GPC2: variants seen among roughly 807,000 people sequenced by gnomAD.
GPC2 encodes glypican 2, also known as glypican-2.
GPC2 carries 42 observed loss-of-function variants against 57.3 expected under a neutral mutation model. The observed-to-expected ratio is 0.73, with a 90% CI of 0.57 to 0.95. The LOEUF (loss-of-function observed/expected upper bound fraction) is 0.95, where lower values mean the gene tolerates loss of function less well. GPC2 is among the 40% of genes least tolerant of loss of function. The pLI is 0.00. For missense variants in GPC2, 745 were observed against 793.6 expected (o/e 0.94, Z 0.74); for synonymous variants, 364 against 343.4 (o/e 1.06, Z -0.66).
chr7:100,174,617 C>T, intron 4 of GPC2, 68 bp downstream of exon 4: 1 of 1,193,418 alleles, frequency 8.4e-7, no homozygotes, highest in Non-Finnish European at 1.2e-6. Context: ...CTGTTTCTTC[C>T]TTGTGGGGTC....
chr7:100,177,230 G>A lies in GPC2; in HGVS notation c.-31C>T, dbSNP rs767481374. The A allele has an allele frequency of 7.6e-6, 12 of 1,580,702 alleles. No individual in the cohort carries two copies. In the African/African-American group the frequency reaches 1.3e-4, roughly 18 times the overall value. On this transcript the variant is annotated 5_prime_UTR_variant, in exon 1 of 10. Transcript: ENST00000292377. The stretch of plus-strand genomic sequence containing the variant: ...CAGCCACCCCAGGACGGCAAAGTGG[G>A]TCCTAAGGAGGAAAGCAGAGCCTCC...
rs1393920826 is a variant in GPC2, at chr7:100,173,935, C to T, written c.792G>A (p.Arg264=). Residue 264 remains arginine (R), a synonymous_variant, in exon 5 of 10, where the codon CGG becomes CGA. Transcript: ENST00000292377. Reference sequence around the variant, plus strand: ...GGCAGGGCATAAGTGAGGGGACCCCCCGGCACAGGGGACAGCCGATGAGAC... The same window carrying T: ...GGCAGGGCATAAGTGAGGGGACCCCTCGGCACAGGGGACAGCCGATGAGAC... ...LMRLIGCPLC[R]GVPSLMPCQG... 9.4e-6 allele frequency: 15 copies of T among 1,603,372 alleles called. No homozygotes were observed. The highest frequency in any genetic ancestry group is 1.7e-5 in the Admixed American group (1 of 58,808).
In GPC2 at chr7:100,171,121, G is replaced by C; in HGVS notation, c.1486+140C>G. 1.3e-6 allele frequency: 1 copy of C among 768,482 alleles called. No homozygotes were observed. Among genetic ancestry groups the C allele is most frequent in the Non-Finnish European group, 2.0e-6 (1 of 512,310 alleles). 47.6% of individuals were successfully genotyped at this position (768,482 alleles called of 1,614,324 possible). A position where few individuals can be genotyped will look rare whatever the true frequency, so the allele number is the denominator to read the frequency against. On this transcript the variant is annotated intron_variant, in intron 9 of 9. Transcript: ENST00000292377. The surrounding 1 kb of genome is among the most constrained non-coding windows in gnomAD (Gnocchi z 4.8). ...GTTACCCCCAGTCTTTCAGGGCAAC[G>C]CTCAATAAATGCTCGTTGAATGAAT...
At chr7:100,173,738 T>C in intron 5 of GPC2, 97 bp downstream of exon 5, 1 of 943,992 alleles carries the variant, frequency 1.1e-6, no homozygotes, top group East Asian at 2.9e-5. Flanking sequence ...CTCCAACTCC[T>C]GGCCTCAAGT....
chr7:100,174,328 G>A (rs75571285), intron 4 of GPC2: 2 of 522,160 alleles, frequency 3.8e-6, no homozygotes, highest in Non-Finnish European at 6.9e-6. Flanking sequence ...CAGTGAGAGA[G>A]GCCAAGCCAG....
rs202202902 is a variant in GPC2 at position 100,172,201 on chromosome 7, C to G, written c.909G>C (p.Leu303=). 2.2e-5 allele frequency: 35 copies of G among 1,613,788 alleles called. No homozygotes were observed. The highest frequency in any genetic ancestry group is 2.8e-5 in the Non-Finnish European group (33 of 1,179,972). ...AAAAGGGGCCCTGGAGCTTATCAGCCAGGATCAGGAGACCATCTTAAGGGA... is the reference window on the plus strand; with the variant it reads ...AAAAGGGGCCCTGGAGCTTATCAGCGAGGATCAGGAGACCATCTTAAGGGA... ...WGNYLDGLLI[L]ADKLQGPFSF... is the part of the protein sequence containing the mutation. Residue 303 remains leucine (L), a synonymous_variant, in exon 6 of 10, where the codon CTG becomes CTC. Coordinates refer to ENST00000292377, the MANE Select transcript of GPC2 (RefSeq NM_152742.3).
Position 100,170,463 on chromosome 7 carries a change from C to T in GPC2, c.1507G>A (p.Gly503Arg), listed in dbSNP as rs765536744. 2 of 1,545,230 alleles carry T rather than the reference C, an allele frequency of 1.3e-6. No homozygotes were observed. Among genetic ancestry groups the T allele is most frequent in the East Asian group, 2.3e-5 (1 of 42,632 alleles). ...QDADEDASGS[G>R]GGQQYADDWM... The stretch of plus-strand genomic sequence containing the variant: ...TCATCTGCATACTGCTGTCCCCCTC[C>T]AGAGCCGCTGGCATCCTCATCTGCA... The change falls in exon 10 of 10, where the codon GGA becomes AGA. Residue 503 changes from glycine (G) to arginine (R), a missense_variant. Around this residue, in one of 2 missense-constraint regions of GPC2, gnomAD observed 607 missense variants for 603.9 expected, o/e 1.01. Transcript: ENST00000292377.
At position 100,177,283 on chromosome 7, in the gene GPC2, CG is replaced by C; in HGVS notation, c.-85del. ...AACTCGGGAATCCGGTACTCGGCCGCGGGACCGCTCCGCGGGCCAGAGAAAG... is the reference window on the plus strand; with the variant it reads ...AACTCGGGAATCCGGTACTCGGCCGCGGACCGCTCCGCGGGCCAGAGAAAG... On this transcript the variant is annotated 5_prime_UTR_variant, in exon 1 of 10. The change creates a premature stop within an existing upstream ORF in the 5' untranslated region. Transcript: ENST00000292377. The C allele has an allele frequency of 8.1e-7, 1 of 1,229,904 alleles. No individual in the cohort carries two copies. Among genetic ancestry groups the C allele is most frequent in the Non-Finnish European group, 1.1e-6 (1 of 898,076 alleles). The allele number at this position is 1,229,904 out of a possible 1,614,324, so 76.2% of individuals were successfully genotyped here. A position where few individuals can be genotyped will look rare whatever the true frequency, so the allele number is the denominator to read the frequency against.
chr7:100,176,261 C>T lies in GPC2; in HGVS notation c.271G>A (p.Asp91Asn). ...TEATFRGLVEDSGSFLVHTLA... is the reference protein window; with the variant it reads ...TEATFRGLVENSGSFLVHTLA... ...GTGTGAACCAGAAAGGAGCCGCTGT[C>T]CTCCACCAGGCCTCGGAAGGTGGCC... is the stretch of plus-strand genomic sequence containing the variant. Residue 91 changes from aspartate to asparagine, a missense_variant, in exon 2 of 10, where the codon GAC (aspartate) becomes AAC (asparagine). This residue lies in a region of GPC2 where 138 missense variants were observed against 189.8 expected (regional missense o/e 0.73). Transcript: ENST00000292377. 6.2e-7 allele frequency: 1 copy of T among 1,613,994 alleles called. No individual in the cohort carries two copies. The highest frequency in any genetic ancestry group is 8.5e-7 in the Non-Finnish European group (1 of 1,179,956).
chr7:100,174,879 A>G, intron 3 of GPC2, 114 bp from the exon 4 acceptor site: 1 of 725,266 alleles, frequency 1.4e-6, no homozygotes, highest in Non-Finnish European at 2.4e-6. Context: ...GGGTTCTCTC[A>G]GAGTGGGTCG....
chr7:100,172,897 AAG>A (rs1554400986), intron 5 of GPC2, among the ~76,000 whole-genome samples: 2 of 150,172 alleles, frequency 1.3e-5, no homozygotes, highest in African/African-American at 4.9e-5. Context: ...TCAAAAAAAA[AAG>A]AGTCTCATCT....
chr7:100,171,255 T>C lies in GPC2; in HGVS notation c.1486+6A>G. 6.5e-7 allele frequency: 1 copy of C among 1,528,806 alleles called. No individual in the cohort carries two copies. The highest frequency in any genetic ancestry group is 1.4e-5 in the African/African-American group (1 of 70,378). 94.7% of individuals were successfully genotyped at this position (1,528,806 alleles called of 1,614,324 possible). On this transcript the variant is annotated splice_donor_region_variant and intron_variant, in intron 9 of 9. Coordinates refer to ENST00000292377, the MANE Select transcript of GPC2 (RefSeq NM_152742.3). The surrounding 1 kb of genome is among the most constrained non-coding windows in gnomAD (Gnocchi z 4.8). ...GGGCTCAGGCTCAGGGATGCAGGGG[T>C]CTCACCCGCGTCCTGCCCGTCCAGG...
chr7:100,172,619 C>T (rs1053699191), intron 5 of GPC2, among the ~76,000 whole-genome samples: 12 of 107,586 alleles, frequency 1.1e-4, no homozygotes, highest in Non-Finnish European at 2.0e-4. Context: ...GCGCCTGCCA[C>T]CATGCCGGCT....
chr7:100,171,502 C>G lies in GPC2; in HGVS notation c.1310+37G>C. The G allele has an allele frequency of 7.4e-7, 1 of 1,352,806 alleles. No individual in the cohort carries two copies. Among genetic ancestry groups the G allele is most frequent in the Non-Finnish European group, 9.4e-7 (1 of 1,060,080 alleles). The allele number at this position is 1,352,806 out of a possible 1,614,324, so 83.8% of individuals were successfully genotyped here. On this transcript the variant is annotated intron_variant, in intron 8 of 9. Transcript: ENST00000292377. The surrounding 1 kb of genome is among the most constrained non-coding windows in gnomAD (Gnocchi z 4.8). ...GGCCCCGCCCCTCCCGGCCGCGGTC[C>G]CGCCCCCTGCTGCCCCCCGACGCCC...
In GPC2 at chr7:100,174,479, GA is replaced by G. The variant is rs913587508; in HGVS notation, c.729+205del. 1.5e-5 allele frequency: 10 copies of G among 662,060 alleles called. No homozygotes were observed. The Admixed American group carries it at 2.1e-4, about 14-fold the overall frequency. 41.0% of individuals were successfully genotyped at this position (662,060 alleles called of 1,614,324 possible). ...GAGGGTATGGGTCCACAGAGGGGAG[GA>G]GGGGGTCAGAGATCATGGATCGTGG... On this transcript the variant is annotated intron_variant, in intron 4 of 9. Transcript: ENST00000292377.
At chr7:100,176,403 T>C in intron 1 of GPC2, 38 bp from the exon 2 acceptor site, 1 of 1,591,988 alleles carries the variant, frequency 6.3e-7, no homozygotes, top group Non-Finnish European at 8.6e-7. Context: ...TGGGAAGTGA[T>C]ATCCTAAAAT....
Position 100,172,206 on chromosome 7 carries a change from T to G in GPC2, c.904A>C (p.Ile302Leu). 1 of 1,613,734 alleles carries G rather than the reference T, an allele frequency of 6.2e-7. No homozygotes were observed. The highest frequency in any genetic ancestry group is 8.5e-7 in the Non-Finnish European group (1 of 1,179,928). Residue 302 changes from isoleucine (I) to leucine (L), a missense_variant, in exon 6 of 10, where the codon ATC (isoleucine) becomes CTC (leucine). Around this residue, in one of 2 missense-constraint regions of GPC2, gnomAD observed 607 missense variants for 603.9 expected, o/e 1.01. Transcript: ENST00000292377. ...DWGNYLDGLL[I>L]LADKLQGPFS... ...GGGCCCTGGAGCTTATCAGCCAGGATCAGGAGACCATCTTAAGGGAGGGAG... is the reference window on the plus strand; with the variant it reads ...GGGCCCTGGAGCTTATCAGCCAGGAGCAGGAGACCATCTTAAGGGAGGGAG...
At chr7:100,170,622 GA>G in intron 9 of GPC2, 139 bp from the exon 10 acceptor site, 1 of 724,996 alleles carries the variant, frequency 1.4e-6, no homozygotes. Context: ...GGGGAAGGGA[GA>G]AAGACCATGA....
At chr7:100,170,604 G>T in intron 9 of GPC2, 121 bp from the exon 10 acceptor site, 1 of 922,892 alleles carries the variant, frequency 1.1e-6, no homozygotes, top group South Asian at 2.3e-5. Context: ...ACAGGTGGAT[G>T]CCGGGTTGGG....
Sources: allele counts gnomAD v4.1 joint callset (sites outside exome capture counted in the v4.1 genomes callset), GRCh38; gene constraint gnomAD v4.1.1; regional missense constraint gnomAD v4.1.1; non-coding constraint Gnocchi (gnomAD v3.1); transcripts MANE v1.5; gene names NCBI Gene and HGNC (gene_info 2026-07-23, HGNC 2026-07-21).